The following PRKDC variants were observed in gnomAD, a reference collection of about 807,000 sequenced individuals.
PRKDC encodes the protein DNA-dependent protein kinase catalytic subunit.
PRKDC carries 82 observed loss-of-function variants against 486.9 expected under a neutral mutation model. The ratio of observed to expected loss-of-function variants is 0.17; its 90% CI spans 0.14 to 0.20. The LOEUF (loss-of-function observed/expected upper bound fraction) is 0.20, where lower values mean the gene tolerates loss of function less well. Among genes scored for constraint, PRKDC ranks in the 10% least tolerant of loss-of-function variants. The probability of loss-of-function intolerance (pLI) is 1.00; values close to 1 mark genes in which losing one functional copy is unlikely to be tolerated. For missense variants in PRKDC, 4,504 were observed against 5,038.2 expected (o/e 0.89, Z 3.21); for synonymous variants, 1,895 against 1,837.0 (o/e 1.03, Z -0.81).
In PRKDC at chr8:47,888,654, GC is replaced by G; in HGVS notation, c.4281-5del. The G allele has an allele frequency of 6.4e-7, 1 of 1,570,396 alleles. No individual in the cohort carries two copies. The highest frequency in any genetic ancestry group is 8.6e-7 in the Non-Finnish European group (1 of 1,159,006). On this transcript the variant is annotated splice_region_variant and splice_polypyrimidine_tract_variant and intron_variant, in intron 33 of 85. Coordinates refer to ENST00000314191, the MANE Select transcript of PRKDC (RefSeq NM_006904.7). ...GACGGCACAAAGCTCCTCAATGCTG[GC>G]CATGTGACAAAACAGTAAATTAGGT...
In PRKDC at chr8:47,828,217, A is replaced by C. The variant is rs2087781080; in HGVS notation, c.8528T>G (p.Phe2843Cys). 6.2e-7 allele frequency: 1 copy of C among 1,613,810 alleles called. No individual in the cohort carries two copies. The highest frequency in any genetic ancestry group is 1.3e-5 in the African/African-American group (1 of 74,940). Residue 2843 changes from phenylalanine to cysteine, a missense_variant, in exon 62 of 86, where the codon TTT (phenylalanine) becomes TGT (cysteine). By Grantham distance (205) the Phe-to-Cys change is radical. Transcript: ENST00000314191. Reference sequence around the variant, plus strand: ...AAAGAAAGAGAAGGTGGTATTAAGAAAACGATTGAAGTCTTGAAGCAACTT... The same window carrying C: ...AAAGAAAGAGAAGGTGGTATTAAGACAACGATTGAAGTCTTGAAGCAACTT... ...TQKLLQDFNR[F>C]LNTTFSFFPP...
chr8:47,786,205 G>A (rs1216455386), intron 76 of PRKDC, among the ~76,000 whole-genome samples: 12 of 152,052 alleles, frequency 7.9e-5, no homozygotes, highest in Admixed American at 7.2e-4. Context: ...GAGGTCAGGA[G>A]CTCAAGACCA....
At chr8:47,886,512 C>G (rs578176675) in intron 35 of PRKDC, among the ~76,000 whole-genome samples, 1 of 151,896 alleles carries the variant, frequency 6.6e-6, no homozygotes, top group African/African-American at 2.4e-5. Context: ...GGCCTCAGCA[C>G]CCCCGAGTAT....
chr8:47,798,499 T>C (rs1009818141), intron 72 of PRKDC, 102 bp from the exon 73 acceptor site: 4 of 1,257,728 alleles, frequency 3.2e-6, no homozygotes, highest in Middle Eastern at 2.7e-4. Context: ...TTGTATTTTG[T>C]AGTGTCATTG....
At chr8:47,801,130 G>C in intron 70 of PRKDC, 144 bp from the exon 71 acceptor site, 1 of 808,870 alleles carries the variant, frequency 1.2e-6, no homozygotes. Context: ...GGAGTGCAAC[G>C]ACACGATTTT....
intron 21 of PRKDC, among the ~76,000 whole-genome samples, chr8:47,921,636 A>G (rs1355730432): frequency 6.6e-6 from 1 of 152,168 alleles, no homozygotes; most frequent in South Asian, 2.1e-4. Context: ...TGTGAGCTCC[A>G]TGAGTCTGAC....
At chr8:47,946,852 C>T (rs1306717318) in intron 7 of PRKDC, among the ~76,000 whole-genome samples, 1 of 152,180 alleles carries the variant, frequency 6.6e-6, no homozygotes, top group African/African-American at 2.4e-5. Flanking sequence ...GGAGTCACTG[C>T]ACAGCCCTCA....
At position 47,936,397 on chromosome 8, in the gene PRKDC, T is replaced by C. The variant is rs371607334; in HGVS notation, c.1234A>G (p.Ser412Gly). ...ACGCTTGCAACAGACTGGAGGAAGC[T>C]TGGCATCTGATAAACACGGTCGTCA... ...TGDDRVYQMP[S>G]FLQSVASVLL... Residue 412 changes from serine to glycine, a missense_variant, in exon 12 of 86, where the codon AGC (serine) becomes GGC (glycine). By Grantham distance (56) the Ser-to-Gly change is moderately conservative. This residue lies in a region of PRKDC where 1,969 missense variants were observed against 2,068.9 expected (regional missense o/e 0.95). Transcript: ENST00000314191. 10 of 1,613,846 alleles carry C rather than the reference T, an allele frequency of 6.2e-6. No individual in the cohort carries two copies. In the East Asian group the frequency reaches 8.9e-5, roughly 14 times the overall value.
At chr8:47,938,971 A>G (rs942102004) in intron 11 of PRKDC, among the ~76,000 whole-genome samples, 3 of 152,188 alleles carry the variant, frequency 2.0e-5, no homozygotes, top group Non-Finnish European at 4.4e-5. Flanking sequence ...AGGAATAAGG[A>G]GCAGCATAGC....
intron 68 of PRKDC, among the ~76,000 whole-genome samples, chr8:47,812,987 C>A (rs2087364783): frequency 6.6e-6 from 1 of 150,572 alleles, no homozygotes; most frequent in Non-Finnish European, 1.5e-5. Context: ...ATGAAATGGA[C>A]AAATTTACTT....
intron 24 of PRKDC, among the ~76,000 whole-genome samples, chr8:47,913,680 A>G (rs1307785962): frequency 1.3e-5 from 2 of 152,230 alleles, no homozygotes; most frequent in African/African-American, 2.4e-5. Context: ...GGCATGAGCC[A>G]CCATGCCCAG....
At chr8:47,901,978 A>C (rs2089692613) in intron 27 of PRKDC, among the ~76,000 whole-genome samples, 1 of 152,132 alleles carries the variant, frequency 6.6e-6, no homozygotes, top group Admixed American at 6.5e-5. Context: ...AGCTACCAGC[A>C]AGTGGATTTT....
chr8:47,933,910 T>C (rs1053794474), intron 15 of PRKDC, 55 bp downstream of exon 15: 50 of 1,528,178 alleles, frequency 3.3e-5, no homozygotes, highest in Non-Finnish European at 4.2e-5. Flanking sequence ...GTCTAAACTA[T>C]GGAGACTAAT....
intron 73 of PRKDC, 118 bp downstream of exon 73, chr8:47,798,119 A>G: frequency 9.1e-7 from 1 of 1,101,128 alleles, no homozygotes; most frequent in South Asian, 2.2e-5. Flanking sequence ...CAGAATTCAC[A>G]GCTGGCTGGG....
At chr8:47,930,643 T>C in intron 17 of PRKDC, 29 bp downstream of exon 17, 1 of 1,519,276 alleles carries the variant, frequency 6.6e-7, no homozygotes, top group South Asian at 1.2e-5. Flanking sequence ...TCATTTTCAT[T>C]CTTAAATAAT....
At chr8:47,938,102 GAAAA>G (rs1308852163) in intron 11 of PRKDC, among the ~76,000 whole-genome samples, 1 of 151,994 alleles carries the variant, frequency 6.6e-6, no homozygotes, top group Non-Finnish European at 1.5e-5. Context: ...AGGCAAAAAA[GAAAA>G]AGAAAGGAAA....
Position 47,800,798 on chromosome 8 carries a change from C to T in PRKDC, c.10111G>A (p.Glu3371Lys), listed in dbSNP as rs2087090983. The change falls in exon 71 of 86, where the codon GAG becomes AAG. Residue 3371 changes from glutamate (E) to lysine (K), a missense_variant. Physicochemically the swap from Glu to Lys is moderately conservative, Grantham distance 56. This residue lies in a region of PRKDC where 1,592 missense variants were observed against 1,724.6 expected (regional missense o/e 0.92). Coordinates refer to ENST00000314191, the MANE Select transcript of PRKDC (RefSeq NM_006904.7). ...AAACATTCCTCCAGTATTACCTTCT[C>T]TGAATCCTCTGAACTGGATCCAGAA... ...ELSGSSSEDSEKVIAGLYQRA... is the reference protein window; with the variant it reads ...ELSGSSSEDSKKVIAGLYQRA... 1 of 1,606,888 alleles carries T rather than the reference C, an allele frequency of 6.2e-7. No individual in the cohort carries two copies.
At chr8:47,958,687 A>G (rs1439829783) in intron 1 of PRKDC, among the ~76,000 whole-genome samples, 6 of 151,718 alleles carry the variant, frequency 4.0e-5, no homozygotes, top group Non-Finnish European at 7.4e-5. Context: ...CATTGTTAAT[A>G]TATTCTTGAC....
chr8:47,866,616 A>T (rs1233508527), intron 40 of PRKDC, among the ~76,000 whole-genome samples: 2 of 152,260 alleles, frequency 1.3e-5, no homozygotes, highest in Non-Finnish European at 2.9e-5. Context: ...TCATAATAAA[A>T]GAAAAATTAA....
Sources: gnomAD v4.1 joint callset for allele counts (sites outside exome capture counted in the v4.1 genomes callset) on GRCh38, gnomAD v4.1.1 for gene constraint, gnomAD v4.1.1 regional missense constraint, MANE v1.5 for transcripts, NCBI Gene and HGNC (gene_info 2026-07-23, HGNC 2026-07-21) for gene names.